The following ATG5 variants were observed in gnomAD, a reference collection of about 807,000 sequenced individuals.
ATG5 encodes autophagy protein 5.
Under a neutral mutation model 36.5 loss-of-function variants are expected in ATG5, and 14 were observed. The observed-to-expected ratio is 0.38, with a 90% CI of 0.25 to 0.60. The LOEUF (loss-of-function observed/expected upper bound fraction) is 0.60, where lower values mean the gene tolerates loss of function less well. ATG5 is among the 20% of genes least tolerant of loss of function. The pLI is 0.60. For synonymous variants in ATG5, 95 were observed against 101.5 expected, an observed-to-expected ratio of 0.94 and a Z score of 0.38; for missense variants, 195 against 326.7, an observed-to-expected ratio of 0.60 and a Z score of 3.11.
At chr6:106,235,027 T>A (rs1210513111) in intron 6 of ATG5, among the ~76,000 whole-genome samples, 1 of 152,198 alleles carries the variant, frequency 6.6e-6, no homozygotes, top group Non-Finnish European at 1.5e-5. Flanking sequence ...TGTTAATCAA[T>A]CCTGAATTGT....
chr6:106,208,500 A>C (rs1395859963), intron 6 of ATG5, among the ~76,000 whole-genome samples: 2 of 152,206 alleles, frequency 1.3e-5, no homozygotes, highest in African/African-American at 4.8e-5. Context: ...TGTAAGCTAA[A>C]AAGTCCAGAA....
intron 3 of ATG5, among the ~76,000 whole-genome samples, chr6:106,296,493 A>C (rs1769943256): frequency 6.6e-6 from 1 of 152,192 alleles, no homozygotes. Flanking sequence ...GTGTTGCCTA[A>C]AGTATTGAAA....
intron 5 of ATG5, among the ~76,000 whole-genome samples, chr6:106,276,003 G>A (rs991656451): frequency 1.7e-4 from 26 of 152,192 alleles, no homozygotes; most frequent in African/African-American, 4.8e-4. Flanking sequence ...GCCCATGATC[G>A]TATTTGCCAG....
At chr6:106,221,903 T>A (rs576784095) in intron 6 of ATG5, among the ~76,000 whole-genome samples, 6 of 152,232 alleles carry the variant, frequency 3.9e-5, no homozygotes, top group South Asian at 2.1e-4. Context: ...TATTATTATT[T>A]TTTTTTGAGA....
At chr6:106,302,216 A>G (rs982796691) in intron 3 of ATG5, among the ~76,000 whole-genome samples, 1 of 152,088 alleles carries the variant, frequency 6.6e-6, no homozygotes, top group African/African-American at 2.4e-5. Flanking sequence ...GATGCTGGAA[A>G]GAGCAAAAAA....
chr6:106,210,364 A>C (rs1163597407), intron 6 of ATG5, among the ~76,000 whole-genome samples: 1 of 152,246 alleles, frequency 6.6e-6, no homozygotes, highest in African/African-American at 2.4e-5. Context: ...ACAATGTATA[A>C]ATCTTATAAG....
At chr6:106,195,849 A>G (rs933989694) in intron 7 of ATG5, among the ~76,000 whole-genome samples, 1 of 150,400 alleles carries the variant, frequency 6.6e-6, no homozygotes, top group African/African-American at 2.4e-5. Context: ...GGGAAGTCAC[A>G]CTGTGTATCC....
At chr6:106,285,728 T>C (rs911411440) in intron 4 of ATG5, among the ~76,000 whole-genome samples, 1 of 152,230 alleles carries the variant, frequency 6.6e-6, no homozygotes, top group African/African-American at 2.4e-5. Flanking sequence ...TTTCCATGAG[T>C]GGATGCATTT....
chr6:106,310,887 T>C (rs1356122070), intron 2 of ATG5, among the ~76,000 whole-genome samples: 1 of 152,212 alleles, frequency 6.6e-6, no homozygotes, highest in Non-Finnish European at 1.5e-5. Flanking sequence ...ATTAACCACA[T>C]TTGGAAATAC....
chr6:106,249,272 C>T (rs944721028), intron 5 of ATG5, among the ~76,000 whole-genome samples: 2 of 152,166 alleles, frequency 1.3e-5, no homozygotes, highest in Non-Finnish European at 2.9e-5. Flanking sequence ...CCCCTTGCCC[C>T]AGCCCCTGAA....
At chr6:106,306,762 T>A (rs753061259) in intron 3 of ATG5, among the ~76,000 whole-genome samples, 1 of 152,230 alleles carries the variant, frequency 6.6e-6, no homozygotes, top group East Asian at 1.9e-4. Context: ...CCGTCCATCC[T>A]GTCATTCTAC....
intron 2 of ATG5, among the ~76,000 whole-genome samples, chr6:106,315,310 T>G (rs1350056452): frequency 6.6e-6 from 1 of 152,176 alleles, no homozygotes; most frequent in East Asian, 1.9e-4. Context: ...AACACTAGAA[T>G]GCATACCTGA....
intron 6 of ATG5, among the ~76,000 whole-genome samples, chr6:106,208,573 A>C (rs966030277): frequency 3.3e-5 from 5 of 152,182 alleles, no homozygotes; most frequent in African/African-American, 1.2e-4. Context: ...AAAAAAGGGC[A>C]AAGTCATTTT....
At chr6:106,295,365 C>T (rs1421934536) in intron 3 of ATG5, among the ~76,000 whole-genome samples, 1 of 152,102 alleles carries the variant, frequency 6.6e-6, no homozygotes, top group South Asian at 2.1e-4. Flanking sequence ...CTAAACAGCA[C>T]TGAAAACACA....
At chr6:106,195,129 TTA>T (rs1328570595) in intron 7 of ATG5, among the ~76,000 whole-genome samples, 2 of 152,180 alleles carry the variant, frequency 1.3e-5, no homozygotes, top group East Asian at 3.8e-4. Flanking sequence ...CAGCTCATCA[TTA>T]GTTACTCCAC....
chr6:106,318,994 A>T (rs1770964037), intron 1 of ATG5, among the ~76,000 whole-genome samples: 1 of 152,216 alleles, frequency 6.6e-6, no homozygotes, highest in Admixed American at 6.5e-5. Context: ...TATACAGTAG[A>T]AGTTAGAAAT....
intron 5 of ATG5, among the ~76,000 whole-genome samples, chr6:106,252,251 C>T (rs1778623172): frequency 6.6e-6 from 1 of 151,974 alleles, no homozygotes; most frequent in Admixed American, 6.5e-5. Flanking sequence ...AGCAATATTA[C>T]TGATGTTAGT....
chr6:106,256,728 C>T (rs1778814033), intron 5 of ATG5, among the ~76,000 whole-genome samples: 1 of 152,062 alleles, frequency 6.6e-6, no homozygotes, highest in African/African-American at 2.4e-5. Flanking sequence ...TTTTAAAAGG[C>T]ACCCCTGTAT....
chr6:106,243,037 TC>T (rs1778188141), intron 6 of ATG5, among the ~76,000 whole-genome samples: 1 of 152,188 alleles, frequency 6.6e-6, no homozygotes. Context: ...GGCTCCTTCT[TC>T]AGTTTAGAAG....
Sources: gnomAD v4.1 joint callset for allele counts (sites outside exome capture counted in the v4.1 genomes callset) on GRCh38, gnomAD v4.1.1 for gene constraint, MANE v1.5 for transcripts, NCBI Gene and HGNC (gene_info 2026-07-23, HGNC 2026-07-21) for gene names.